The following COG5 variants were observed in gnomAD, a reference collection of about 807,000 sequenced individuals.
COG5 encodes conserved oligomeric Golgi complex subunit 5.
In COG5, 86 loss-of-function variants were observed where a neutral mutation model predicts 110.4. That is an observed-to-expected ratio of 0.78 (90% CI 0.65 to 0.93). The LOEUF (loss-of-function observed/expected upper bound fraction) is 0.93, where lower values mean the gene tolerates loss of function less well. COG5 is among the 40% of genes least tolerant of loss of function. COG5 has a pLI of 0.00. For missense variants in COG5, 1,077 were observed against 987.0 expected (o/e 1.09, Z -1.22); for synonymous variants, 360 against 334.6 (o/e 1.08, Z -0.83).
chr7:107,475,836 CTA>C (rs1016130790), intron 6 of COG5, among the ~76,000 whole-genome samples: 6 of 151,524 alleles, frequency 4.0e-5, no homozygotes, highest in Non-Finnish European at 7.4e-5. Context: ...TACCACTATG[CTA>C]TGTTTCCTGG....
intron 6 of COG5, among the ~76,000 whole-genome samples, chr7:107,498,169 C>T (rs946619527): frequency 3.3e-5 from 5 of 152,166 alleles, no homozygotes; most frequent in Admixed American, 2.0e-4. Flanking sequence ...AGACCTGAAA[C>T]TGTAAAACTC....
Position 107,281,377 on chromosome 7 carries a change from C to G in COG5, c.1498G>C (p.Asp500His). 6.2e-7 allele frequency: 1 copy of G among 1,613,056 alleles called. No individual in the cohort carries two copies. Among genetic ancestry groups the G allele is most frequent in the Non-Finnish European group, 8.5e-7 (1 of 1,179,236 alleles). The part of the protein sequence containing the change: ...IASELNVAAV[D>H]TNLTLAVSKN... ...GACACAGCTAATGTGAGGTTTGTAT[C>G]AACAGCAGCAACATTTAGTTCACTG... Residue 500 changes from aspartate (D) to histidine (H), a missense_variant, in exon 14 of 22, where the codon GAT becomes CAT. Coordinates refer to ENST00000297135, the MANE Select transcript of COG5 (RefSeq NM_006348.5).
chr7:107,480,319 A>C (rs1353912231), intron 6 of COG5, among the ~76,000 whole-genome samples: 1 of 152,190 alleles, frequency 6.6e-6, no homozygotes, highest in East Asian at 1.9e-4. Flanking sequence ...ATAAGATGAG[A>C]AATAAGAAAA....
intron 11 of COG5, among the ~76,000 whole-genome samples, chr7:107,316,179 C>T (rs952513547): frequency 3.9e-5 from 6 of 152,240 alleles, no homozygotes; most frequent in Non-Finnish European, 8.8e-5. Context: ...TAAAGAGGAA[C>T]TTTCTAGTTT....
chr7:107,272,335 T>C (rs1437261670), intron 14 of COG5, among the ~76,000 whole-genome samples: 1 of 152,164 alleles, frequency 6.6e-6, no homozygotes, highest in African/African-American at 2.4e-5. Context: ...GGAAGCCCCC[T>C]CCCCGCTTTG....
intron 10 of COG5, among the ~76,000 whole-genome samples, chr7:107,338,646 T>C (rs940059132): frequency 2.0e-5 from 3 of 152,110 alleles, no homozygotes; most frequent in African/African-American, 7.2e-5. Flanking sequence ...AACTTGAAGA[T>C]TTCTATGCAG....
In COG5 at chr7:107,527,353, G is replaced by C; in HGVS notation, c.422C>G (p.Ala141Gly). 6.2e-7 allele frequency: 1 copy of C among 1,613,140 alleles called. No individual in the cohort carries two copies. The highest frequency in any genetic ancestry group is 8.5e-7 in the Non-Finnish European group (1 of 1,179,808). ...RTAQLARLQVACDLLRRIIRI... is the reference protein window; with the variant it reads ...RTAQLARLQVGCDLLRRIIRI... Reference sequence around the variant, plus strand: ...AATAATCCTCCGAAGCAAATCACAGGCAACCTGTGCAAACATCACAATGTT... The same window carrying C: ...AATAATCCTCCGAAGCAAATCACAGCCAACCTGTGCAAACATCACAATGTT... The change falls in exon 6 of 22, where the codon GCC becomes GGC. Residue 141 changes from alanine (A) to glycine (G), a missense_variant. Transcript: ENST00000297135.
At chr7:107,523,821 G>GAA (rs113340276) in intron 6 of COG5, among the ~76,000 whole-genome samples, 1 of 97,884 alleles carries the variant, frequency 1.0e-5, no homozygotes, top group East Asian at 2.9e-4. Context: ...GTCTCAAAAA[G>GAA]AAAAAAAAAA....
intron 7 of COG5, among the ~76,000 whole-genome samples, chr7:107,378,349 C>A (rs1814810596): frequency 6.6e-6 from 1 of 152,066 alleles, no homozygotes; most frequent in South Asian, 2.1e-4. Context: ...ATTACAAAAA[C>A]CAGAATGCCT....
rs183895696 is a variant in COG5 at position 107,218,140 on chromosome 7, T to C, written c.2169-6915A>G. On this transcript the variant is annotated intron_variant, in intron 19 of 21. Coordinates refer to ENST00000297135, the MANE Select transcript of COG5 (RefSeq NM_006348.5). ...AGGAATAAATGTACTTAGGAATAAATTTAACCATGGAAGTGAAAGATTTGT... is the reference window on the plus strand; with the variant it reads ...AGGAATAAATGTACTTAGGAATAAACTTAACCATGGAAGTGAAAGATTTGT... Among the ~76,000 whole-genome samples the C allele has an allele frequency of 3.9e-5, 6 of 152,080 alleles. No individual in the cohort carries two copies. In the East Asian group the frequency reaches 1.2e-3, roughly 29 times the overall value.
chr7:107,387,028 G>A lies in COG5; in HGVS notation c.670-14268C>T, dbSNP rs141373748. 5.6e-3 allele frequency among the ~76,000 whole-genome samples: 859 copies of A among 152,262 alleles called. 5 individuals carry two copies. Among genetic ancestry groups the A allele is most frequent in the Middle Eastern group, 0.027 (8 of 294 alleles). On this transcript the variant is annotated intron_variant, in intron 7 of 21. Coordinates refer to ENST00000297135, the MANE Select transcript of COG5 (RefSeq NM_006348.5). ...AATAGGTAAAAAGACAAGAGATAAC[G>A]CTGCAGCTACAAGACCCTGTCTTAA...
chr7:107,333,501 A>G (rs1810446964), intron 10 of COG5, among the ~76,000 whole-genome samples: 1 of 152,184 alleles, frequency 6.6e-6, no homozygotes, highest in South Asian at 2.1e-4. Flanking sequence ...TCAGAGAGAA[A>G]AAAATATTTA....
chr7:107,437,576 T>C (rs181676209), intron 6 of COG5, among the ~76,000 whole-genome samples: 2 of 152,196 alleles, frequency 1.3e-5, no homozygotes, highest in Non-Finnish European at 2.9e-5. Flanking sequence ...TATTATTGAA[T>C]AGCTACTCTG....
At chr7:107,430,771 G>A (rs1376898076) in intron 6 of COG5, among the ~76,000 whole-genome samples, 1 of 152,156 alleles carries the variant, frequency 6.6e-6, no homozygotes, top group Non-Finnish European at 1.5e-5. Context: ...CAGAATTTGT[G>A]AAATGCTACC....
intron 5 of COG5, among the ~76,000 whole-genome samples, chr7:107,539,052 TG>T (rs1801791093): frequency 6.6e-6 from 1 of 152,026 alleles, no homozygotes; most frequent in Non-Finnish European, 1.5e-5. Flanking sequence ...CTGAGGAAGA[TG>T]GATCACTTGA....
intron 17 of COG5, among the ~76,000 whole-genome samples, chr7:107,247,328 T>G (rs1371736366): frequency 6.6e-6 from 1 of 152,100 alleles, no homozygotes; most frequent in Non-Finnish European, 1.5e-5. Flanking sequence ...TGACACGTGT[T>G]TACCTATGTA....
chr7:107,244,182 G>T (rs796330348), intron 17 of COG5, among the ~76,000 whole-genome samples: 3 of 152,136 alleles, frequency 2.0e-5, no homozygotes, highest in African/African-American at 7.2e-5. Context: ...AACCGAGGAG[G>T]TGGAGGCAGC....
At chr7:107,368,161 A>T (rs1403317326) in intron 8 of COG5, among the ~76,000 whole-genome samples, 2 of 151,980 alleles carry the variant, frequency 1.3e-5, no homozygotes, top group South Asian at 4.2e-4. Context: ...TATTTTTTTT[A>T]AATCTTTCAT....
intron 6 of COG5, among the ~76,000 whole-genome samples, chr7:107,513,086 A>G (rs1008182593): frequency 2.0e-5 from 3 of 151,628 alleles, no homozygotes; most frequent in African/African-American, 2.4e-5. Context: ...ACAGCAAAAG[A>G]AACTACCATC....
Sources: allele counts gnomAD v4.1 joint callset (sites outside exome capture counted in the v4.1 genomes callset), GRCh38; gene constraint gnomAD v4.1.1; transcripts MANE v1.5; gene names NCBI Gene and HGNC (gene_info 2026-07-23, HGNC 2026-07-21).